The following TRPC6 variants were observed in gnomAD, a reference collection of about 807,000 sequenced individuals.
The protein encoded by TRPC6 is transient receptor potential cation channel subfamily C member 6.
Under a neutral mutation model 90.7 loss-of-function variants are expected in TRPC6, and 55 were observed. That is an observed-to-expected ratio of 0.61 (90% CI 0.49 to 0.76). TRPC6 has a LOEUF of 0.76. Among genes scored for constraint, TRPC6 ranks in the 30% least tolerant of loss-of-function variants. TRPC6 has a pLI of 0.00. For synonymous variants in TRPC6, 393 were observed against 393.0 expected, an observed-to-expected ratio of 1.00 and a Z score of 0.00; for missense variants, 989 against 1,122.7, an observed-to-expected ratio of 0.88 and a Z score of 1.70.
intron 5 of TRPC6, among the ~76,000 whole-genome samples, chr11:101,477,206 C>G (rs1024346458): frequency 6.6e-6 from 1 of 151,042 alleles, no homozygotes; most frequent in Admixed American, 6.6e-5. Context: ...TTCTACCCAA[C>G]CTTCCTGCCT....
At chr11:101,567,736 TG>T (rs1358450366) in intron 1 of TRPC6, among the ~76,000 whole-genome samples, 1 of 152,058 alleles carries the variant, frequency 6.6e-6, no homozygotes, top group Non-Finnish European at 1.5e-5. Flanking sequence ...GGGTCTGGAG[TG>T]GACCTCCAGC....
chr11:101,503,870 C>T (rs991908308), intron 2 of TRPC6, among the ~76,000 whole-genome samples, 154 bp downstream of exon 2: 2 of 152,130 alleles, frequency 1.3e-5, no homozygotes, highest in Non-Finnish European at 2.9e-5. Flanking sequence ...ACAACTTTTG[C>T]TACAATGATT....
chr11:101,500,504 G>A (rs1278470933), intron 2 of TRPC6, among the ~76,000 whole-genome samples: 5 of 151,754 alleles, frequency 3.3e-5, no homozygotes, highest in Admixed American at 6.6e-5. Context: ...CACCATTCTC[G>A]GCCCATATTA....
chr11:101,461,478 G>A (rs1044836046), intron 10 of TRPC6, among the ~76,000 whole-genome samples: 2 of 152,104 alleles, frequency 1.3e-5, no homozygotes, highest in African/African-American at 2.4e-5. Context: ...AGGTTGAGGT[G>A]GGAGGATCAC....
intron 4 of TRPC6, among the ~76,000 whole-genome samples, chr11:101,483,825 T>C (rs1859609351): frequency 2.0e-5 from 3 of 152,178 alleles, no homozygotes; most frequent in Admixed American, 1.3e-4. Context: ...AATGAGCACA[T>C]TTCCTAAATT....
chr11:101,555,273 C>G (rs1240273456), intron 1 of TRPC6, among the ~76,000 whole-genome samples: 8 of 152,186 alleles, frequency 5.3e-5, no homozygotes, highest in Admixed American at 1.3e-4. Context: ...GAGGACTCCA[C>G]ATTATTTCTT....
At chr11:101,455,175 C>CA in intron 10 of TRPC6, 74 bp from the exon 11 acceptor site, 1 of 1,142,766 alleles carries the variant, frequency 8.8e-7, no homozygotes, top group Admixed American at 1.8e-5. Flanking sequence ...GATTAGTTAT[C>CA]TAATGAACTA....
chr11:101,522,616 A>G (rs1234005172), intron 1 of TRPC6, among the ~76,000 whole-genome samples: 3 of 151,996 alleles, frequency 2.0e-5, no homozygotes, highest in Non-Finnish European at 2.9e-5. Flanking sequence ...TCATCTTATC[A>G]CTAACATCTG....
chr11:101,463,459 C>A (rs7120857), intron 10 of TRPC6, among the ~76,000 whole-genome samples: 10 of 151,814 alleles, frequency 6.6e-5, no homozygotes, highest in African/African-American at 2.4e-4. Flanking sequence ...TTGGTTGGTA[C>A]GCTATTATTA....
intron 1 of TRPC6, among the ~76,000 whole-genome samples, chr11:101,540,472 T>C (rs1439331933): frequency 6.6e-6 from 1 of 152,208 alleles, no homozygotes; most frequent in Non-Finnish European, 1.5e-5. Flanking sequence ...TTCCTGGGCA[T>C]ATGTAGTGTT....
At chr11:101,453,178 G>A (rs1032343439) in intron 12 of TRPC6, 72 bp from the exon 13 acceptor site, 1 of 1,397,676 alleles carries the variant, frequency 7.2e-7, no homozygotes, top group Middle Eastern at 1.8e-4. Flanking sequence ...TGTGGGACAG[G>A]AGGAAATCAG....
intron 10 of TRPC6, among the ~76,000 whole-genome samples, chr11:101,463,944 G>A (rs1365633959): frequency 6.6e-6 from 1 of 152,124 alleles, no homozygotes. Context: ...TGGGCATTTA[G>A]TGCTATAAAT....
intron 1 of TRPC6, among the ~76,000 whole-genome samples, chr11:101,582,087 G>A (rs1862210257): frequency 6.6e-6 from 1 of 152,162 alleles, no homozygotes; most frequent in Non-Finnish European, 1.5e-5. Flanking sequence ...ACGTGGTATG[G>A]GAATTATGTC....
intron 1 of TRPC6, among the ~76,000 whole-genome samples, chr11:101,568,961 A>G (rs1300180557): frequency 6.6e-6 from 1 of 152,214 alleles, no homozygotes; most frequent in Non-Finnish European, 1.5e-5. Context: ...ACTAATGGGC[A>G]AAATAACCAG....
In TRPC6 at chr11:101,488,844, G is replaced by A. The variant is rs144387051; in HGVS notation, c.1293+93C>T. 1,500 of 1,416,764 alleles carry A rather than the reference G, an allele frequency of 1.1e-3. 13 individuals carry two copies. The African/African-American group carries it at 0.019, about 18-fold the overall frequency. The allele number at this position is 1,416,764 out of a possible 1,614,324, so 87.8% of individuals were successfully genotyped here. A position where few individuals can be genotyped will look rare whatever the true frequency, so the allele number is the denominator to read the frequency against. On this transcript the variant is annotated intron_variant, in intron 4 of 12. Transcript: ENST00000344327. ...ATAAAGATTACTGAAACCCAACTGTGATTCCCTGAAATTTTCACTTTGGAG... is the reference window on the plus strand; with the variant it reads ...ATAAAGATTACTGAAACCCAACTGTAATTCCCTGAAATTTTCACTTTGGAG...
chr11:101,491,413 G>T (rs11224786), intron 3 of TRPC6, 143 bp downstream of exon 3: 2 of 1,076,000 alleles, frequency 1.9e-6, no homozygotes, highest in Admixed American at 2.2e-5. Context: ...CAGACTGGGC[G>T]ACAGAGCGAG....
intron 1 of TRPC6, among the ~76,000 whole-genome samples, chr11:101,582,416 T>C (rs764861380): frequency 3.9e-5 from 6 of 151,992 alleles, no homozygotes; most frequent in African/African-American, 7.3e-5. Context: ...TCAGGAAACT[T>C]GACTACCCAA....
At chr11:101,479,694 G>A (rs1859500842) in intron 5 of TRPC6, among the ~76,000 whole-genome samples, 1 of 152,078 alleles carries the variant, frequency 6.6e-6, no homozygotes, top group Non-Finnish European at 1.5e-5. Flanking sequence ...GGCTACAAAA[G>A]CATCAGCTAT....
intron 1 of TRPC6, among the ~76,000 whole-genome samples, chr11:101,548,746 A>G (rs76470440): frequency 0.11 from 16,316 of 151,906 alleles, 1,638 homozygotes; most frequent in East Asian, 0.54. Flanking sequence ...ACAATGAAAT[A>G]TAGTGCAGCT....
Sources: allele counts gnomAD v4.1 joint callset (sites outside exome capture counted in the v4.1 genomes callset), GRCh38; gene constraint gnomAD v4.1.1; transcripts MANE v1.5; gene names NCBI Gene and HGNC (gene_info 2026-07-23, HGNC 2026-07-21).